RTL1: variants seen among roughly 807,000 people sequenced by gnomAD.
RTL1 encodes retrotransposon Gag like 1, also known as retrotransposon-like protein 1.
For missense variants in RTL1, 1,681 were observed against 1,767.5 expected, an observed-to-expected ratio of 0.95 and a Z score of 0.88; for synonymous variants, 727 against 748.4, an observed-to-expected ratio of 0.97 and a Z score of 0.47.
Position 100,884,711 on chromosome 14 carries a change from G to C in RTL1, c.78C>G (p.Ser26=), listed in dbSNP as rs189881142. The part of the protein sequence containing the change: ...KNPSSKQMES[S]EGSSNTTEAT... ...CCTCGGTGGTGTTGGATGAGCCCTC[G>C]GAGGACTCCATTTGTTTTGATGATG... The change falls in exon 4 of 4, where the codon TCC becomes TCG. Residue 26 remains serine (S), a synonymous_variant. Transcript: ENST00000649591. 1.9e-6 allele frequency: 3 copies of C among 1,612,642 alleles called. No individual in the cohort carries two copies. The highest frequency in any genetic ancestry group is 2.5e-6 in the Non-Finnish European group (3 of 1,179,654).
chr14:100,902,704 CAAGACAATTCCCTT>C (rs2038959801), intron 2 of RTL1, among the ~76,000 whole-genome samples: 1 of 152,230 alleles, frequency 6.6e-6, no homozygotes, highest in Admixed American at 6.5e-5. Context: ...TCTCTAGCTG[CAAGACAATTCCCTT>C]TACTTTTCAG....
At chr14:100,891,892 G>A (rs116862120) in intron 3 of RTL1, among the ~76,000 whole-genome samples, 4,391 of 152,244 alleles carry the variant, frequency 0.029, 95 homozygotes, top group Middle Eastern at 0.11. Context: ...CTGTGCTCCT[G>A]TAGCTCTGGG....
rs538867636 is a variant in RTL1 at position 100,881,649 on chromosome 14, C to T, written c.3140G>A (p.Arg1047Gln). The change falls in exon 4 of 4, where the codon CGG (arginine) becomes CAG (glutamine). Residue 1047 changes from arginine to glutamine, a missense_variant. Physicochemically the swap from Arg to Gln is conservative, Grantham distance 43. Coordinates refer to ENST00000649591, the MANE Select transcript of RTL1 (RefSeq NM_001134888.3). This position sits in a 1 kb window ranked among gnomAD's most constrained non-coding sequence, Gnocchi z 6.6. ...EQDELNEQIL[R>Q]QELLAMIPID... ...GGGTATCATGGCCAGCAGCTCTTGC[C>T]GTAGGATCTGTTCATTGAGCTCATC... 3.2e-5 allele frequency: 49 copies of T among 1,552,160 alleles called. No homozygotes were observed. Among genetic ancestry groups the T allele is most frequent in the East Asian group, 4.9e-5 (2 of 40,914 alleles).
chr14:100,894,492 C>T (rs947436662), intron 2 of RTL1, among the ~76,000 whole-genome samples: 3 of 152,186 alleles, frequency 2.0e-5, no homozygotes, highest in African/African-American at 4.8e-5. Flanking sequence ...TCATCCCTTC[C>T]GCCCTGGGTC....
At position 100,893,810 on chromosome 14, in the gene RTL1, C is replaced by T; in HGVS notation, c.-148-305G>A. Among the ~76,000 whole-genome samples the T allele has an allele frequency of 6.6e-6, 1 of 152,122 alleles. No individual in the cohort carries two copies. The highest frequency in any genetic ancestry group is 1.5e-5 in the Non-Finnish European group (1 of 68,022). The stretch of plus-strand genomic sequence containing the variant: ...ATCCCCATTTTTCAGAAGAGGAATC[C>T]GAGGCCTTGGGACCTACACCCACCC... On this transcript the variant is annotated intron_variant, in intron 2 of 3. Coordinates refer to ENST00000649591, the MANE Select transcript of RTL1 (RefSeq NM_001134888.3). The surrounding 1 kb of genome is among the most constrained non-coding windows in gnomAD (Gnocchi z 4.2).
intron 2 of RTL1, among the ~76,000 whole-genome samples, chr14:100,900,487 A>T (rs1261252114): frequency 6.6e-6 from 1 of 152,232 alleles, no homozygotes; most frequent in East Asian, 1.9e-4. Flanking sequence ...CTCTGCGGCC[A>T]TATGTAGAGC....
chr14:100,891,257 G>A (rs771938727), intron 3 of RTL1, among the ~76,000 whole-genome samples: 4 of 152,150 alleles, frequency 2.6e-5, no homozygotes, highest in Non-Finnish European at 5.9e-5. Flanking sequence ...GGAGGCCGTT[G>A]GCATCTCGGC....
rs1405185169 is a variant in RTL1, at chr14:100,882,626, C to T, written c.2163G>A (p.Lys721=). ...IPQNVIHFIL[K]DMLGFFVLSY... ...AAAGCACAAAGAACCCTAGCATGTC[C>T]TTTAGGATGAAGTGAATCACGTTCT... Residue 721 remains lysine (K), a synonymous_variant, in exon 4 of 4, where the codon AAG becomes AAA. Coordinates refer to ENST00000649591, the MANE Select transcript of RTL1 (RefSeq NM_001134888.3). The T allele has an allele frequency of 2.1e-5, 33 of 1,551,738 alleles. No homozygotes were observed. The highest frequency in any genetic ancestry group is 2.4e-5 in the Non-Finnish European group (28 of 1,147,072).
At chr14:100,888,833 A>C (rs1050728723) in intron 3 of RTL1, among the ~76,000 whole-genome samples, 2 of 152,192 alleles carry the variant, frequency 1.3e-5, no homozygotes, top group Admixed American at 6.5e-5. Context: ...CTCTGATTAA[A>C]ATCTTTCAAC....
chr14:100,894,167 G>A (rs1424244510), intron 2 of RTL1, among the ~76,000 whole-genome samples: 1 of 151,958 alleles, frequency 6.6e-6, no homozygotes, highest in Non-Finnish European at 1.5e-5. Context: ...AAAATTAGCT[G>A]GGTGTGGTGG....
chr14:100,893,491 G>A lies in RTL1; in HGVS notation c.-134C>T, dbSNP rs1333284294. Among the ~76,000 whole-genome samples, 1 of 152,144 alleles carries A rather than the reference G, an allele frequency of 6.6e-6. No individual in the cohort carries two copies. Among genetic ancestry groups the A allele is most frequent in the African/African-American group, 2.4e-5 (1 of 41,412 alleles). ...GATCTCCTCCCGTCCTGTGCCACTC[G>A]ATCCTCGCTGCTTGCTAAAAAGTTA... is the stretch of plus-strand genomic sequence containing the variant. On this transcript the variant is annotated 5_prime_UTR_variant, in exon 3 of 4. Coordinates refer to ENST00000649591, the MANE Select transcript of RTL1 (RefSeq NM_001134888.3). This position sits in a 1 kb window ranked among gnomAD's most constrained non-coding sequence, Gnocchi z 4.2.
chr14:100,901,269 C>T lies in RTL1; in HGVS notation c.-149+2022G>A, dbSNP rs142839040. Among the ~76,000 whole-genome samples, 303 of 152,388 alleles carry T rather than the reference C, an allele frequency of 2.0e-3. 1 individual carries two copies. Among genetic ancestry groups the T allele is most frequent in the African/African-American group, 7.1e-3 (294 of 41,592 alleles). On this transcript the variant is annotated intron_variant, in intron 2 of 3. Coordinates refer to ENST00000649591, the MANE Select transcript of RTL1 (RefSeq NM_001134888.3). ...AGACAAGGAGCCCTGGCTGGCCTCG[C>T]AGCCATCCCCCATATGCACACACGC...
chr14:100,899,711 T>TAAAA lies in RTL1; in HGVS notation c.-149+3576_-149+3579dup, dbSNP rs10660256. On this transcript the variant is annotated intron_variant, in intron 2 of 3. Transcript: ENST00000649591. ...TTTCTGTGCCTTGGTTTCCTGATAT[T>TAAAA]AAAAAAAAAAAAAAGGACTCATAAT... Among the ~76,000 whole-genome samples the TAAAA allele has an allele frequency of 6.8e-4, 97 of 142,848 alleles. 1 individual carries two copies. The highest frequency in any genetic ancestry group is 2.2e-3 in the African/African-American group (85 of 38,358). The allele number at this position is 142,848 out of a possible 152,430, so 93.7% of individuals were successfully genotyped here. A position where few individuals can be genotyped will look rare whatever the true frequency, so the allele number is the denominator to read the frequency against.
At chr14:100,897,825 G>T (rs1183681872) in intron 2 of RTL1, 6 of 261,508 alleles carry the variant, frequency 2.3e-5, no homozygotes, top group African/African-American at 1.4e-4. Context: ...TAATTGCTGA[G>T]ATTTGGGTTT....
chr14:100,882,282 TGCC>T lies in RTL1; in HGVS notation c.2504_2506del (p.Arg835del). 6.4e-7 allele frequency: 1 copy of T among 1,551,632 alleles called. No individual in the cohort carries two copies. Among genetic ancestry groups the T allele is most frequent in the Non-Finnish European group, 8.7e-7 (1 of 1,147,010 alleles). ...GTAGAACTGGTAGGAGCTCAGCAGC[TGCC>T]GCACCAGGGGCTCTGCGATGATGCT... On this transcript the variant is annotated inframe_deletion, in exon 4 of 4. Coordinates refer to ENST00000649591, the MANE Select transcript of RTL1 (RefSeq NM_001134888.3).
At chr14:100,892,677 T>A (rs147112540) in intron 3 of RTL1, among the ~76,000 whole-genome samples, 22 of 152,164 alleles carry the variant, frequency 1.4e-4, no homozygotes, top group African/African-American at 5.3e-4. Flanking sequence ...GCGACAATGG[T>A]GCACAGACCC....
In RTL1 at chr14:100,882,520, G is replaced by A. The variant is rs891986142; in HGVS notation, c.2269C>T (p.Arg757Cys). ...AGGGAGCAGTAGACGTTGTGATGGC[G>A]GAAGCGGACCAGGACTTGGCGGACG... The part of the protein sequence containing the change: ...HHVRQVLVRF[R>C]HHNVYCSLDK... Residue 757 changes from arginine to cysteine, a missense_variant, in exon 4 of 4, where the codon CGC (arginine) becomes TGC (cysteine). Arg to Cys is a radical substitution (Grantham distance 180, BLOSUM62 -3). Transcript: ENST00000649591. The A allele has an allele frequency of 5.2e-6, 8 of 1,551,904 alleles. No homozygotes were observed. Among genetic ancestry groups the A allele is most frequent in the Non-Finnish European group, 6.1e-6 (7 of 1,147,080 alleles).
chr14:100,901,117 G>T (rs1256765430), intron 2 of RTL1, among the ~76,000 whole-genome samples: 2 of 152,216 alleles, frequency 1.3e-5, no homozygotes, highest in Non-Finnish European at 2.9e-5. Flanking sequence ...GACAGATTGG[G>T]TTGTCAGGAG....
In RTL1 at chr14:100,880,062, G is replaced by C. The variant is rs2038584640; in HGVS notation, c.*650C>G. Among the ~76,000 whole-genome samples, 1 of 149,226 alleles carries C rather than the reference G, an allele frequency of 6.7e-6. No individual in the cohort carries two copies. Among genetic ancestry groups the C allele is most frequent in the Non-Finnish European group, 1.5e-5 (1 of 67,472 alleles). On this transcript the variant is annotated 3_prime_UTR_variant, in exon 4 of 4. Transcript: ENST00000649591. ...TCCGGATGCCCCAAAGAGCGGCTTTGTCCAGGTAAGTCCAGAGCTCAGGGC... is the reference window on the plus strand; with the variant it reads ...TCCGGATGCCCCAAAGAGCGGCTTTCTCCAGGTAAGTCCAGAGCTCAGGGC...
Sources: gnomAD v4.1 joint callset for allele counts (sites outside exome capture counted in the v4.1 genomes callset) on GRCh38, gnomAD v4.1.1 for gene constraint, Gnocchi (gnomAD v3.1) non-coding constraint, MANE v1.5 for transcripts, NCBI Gene and HGNC (gene_info 2026-07-23, HGNC 2026-07-21) for gene names.